Variants in PRR16 observed in about 807,000 individuals in gnomAD.
PRR16 encodes protein Largen.
In PRR16, 6 loss-of-function variants were observed where a neutral mutation model predicts 18.2. The observed-to-expected ratio is 0.33, with a 90% CI of 0.18 to 0.65. The LOEUF is 0.65. Among genes scored for constraint, PRR16 ranks in the 30% least tolerant of loss-of-function variants. PRR16 has a pLI of 0.74. For synonymous variants in PRR16, 151 were observed against 147.8 expected (o/e 1.02, Z -0.16); for missense variants, 412 against 376.6 (o/e 1.09, Z -0.78).
intron 1 of PRR16, among the ~76,000 whole-genome samples, chr5:120,643,004 A>C (rs1316691567): frequency 1.3e-5 from 2 of 152,128 alleles, no homozygotes; most frequent in Non-Finnish European, 2.9e-5. Flanking sequence ...TTGTGACATG[A>C]ATTAAATGGA....
chr5:120,633,336 AAACAGCATGATGAATAG>A (rs1446160850), intron 1 of PRR16, among the ~76,000 whole-genome samples: 10 of 152,308 alleles, frequency 6.6e-5, no homozygotes, highest in African/African-American at 1.9e-4. Context: ...TTCAGGAAAC[AAACAGCATGATGAATAG>A]AATAGTACCT....
In PRR16 at chr5:120,672,978, C is replaced by T. The variant is rs145876368; in HGVS notation, c.160-12976C>T. ...GTGATGAAGGATGTTTCCTTTGCCA[C>T]ACTTTACAGGAAGCCTCAGTAGAGG... On this transcript the variant is annotated intron_variant, in intron 1 of 1. Coordinates refer to ENST00000407149, the MANE Select transcript of PRR16 (RefSeq NM_001300783.2). Among the ~76,000 whole-genome samples the T allele has an allele frequency of 2.6e-5, 4 of 152,286 alleles. No homozygotes were observed. The East Asian group carries it at 5.8e-4, about 22-fold the overall frequency.
intron 1 of PRR16, among the ~76,000 whole-genome samples, chr5:120,602,233 T>C (rs2112791898): frequency 6.6e-6 from 1 of 152,202 alleles, no homozygotes; most frequent in South Asian, 2.1e-4. Context: ...TTATCTCTGA[T>C]TCTTTTACTA....
chr5:120,594,147 G>A (rs540429219), intron 1 of PRR16, among the ~76,000 whole-genome samples: 2 of 152,164 alleles, frequency 1.3e-5, no homozygotes, highest in African/African-American at 2.4e-5. Flanking sequence ...GGAAGTCCTG[G>A]CAAGAGCAAT....
At chr5:120,524,675 G>T (rs1751294505) in intron 1 of PRR16, among the ~76,000 whole-genome samples, 1 of 151,984 alleles carries the variant, frequency 6.6e-6, no homozygotes, top group African/African-American at 2.4e-5. Context: ...ATACCTAAAA[G>T]AGTATAATTG....
chr5:120,673,472 C>A (rs1030635955), intron 1 of PRR16, among the ~76,000 whole-genome samples: 2 of 152,188 alleles, frequency 1.3e-5, no homozygotes, highest in Non-Finnish European at 2.9e-5. Context: ...AAAATTTTTA[C>A]ATCATTTAGT....
the PRR16 span, among the ~76,000 whole-genome samples, chr5:120,738,872 A>T: frequency 1.3e-5 from 2 of 152,306 alleles, no homozygotes; most frequent in Admixed American, 6.5e-5. Flanking sequence ...ACAAACCAAG[A>T]TGAACTAAAA....
the PRR16 span, among the ~76,000 whole-genome samples, chr5:120,766,715 G>A: frequency 6.6e-6 from 1 of 151,942 alleles, no homozygotes; most frequent in African/African-American, 2.4e-5. Context: ...TAATTATAGA[G>A]TTGGGTATAC....
chr5:120,492,243 C>T (rs1479926521), intron 1 of PRR16, among the ~76,000 whole-genome samples: 5 of 134,538 alleles, frequency 3.7e-5, no homozygotes, highest in African/African-American at 5.5e-5. Context: ...CATCCCCATG[C>T]CCGCTAATTT....
chr5:120,720,965 T>C, the PRR16 span, among the ~76,000 whole-genome samples: 1 of 152,072 alleles, frequency 6.6e-6, no homozygotes, highest in South Asian at 2.1e-4. Flanking sequence ...TGGTAATTAA[T>C]GCATTATCTC....
intron 1 of PRR16, chr5:120,658,501 A>G (rs1445745183): frequency 1.3e-5 from 2 of 151,934 alleles, no homozygotes; most frequent in Non-Finnish European, 2.9e-5. Flanking sequence ...TGTTCCAAAT[A>G]ATATAATTAA....
chr5:120,754,392 T>TAA, the PRR16 span, among the ~76,000 whole-genome samples: 2 of 97,692 alleles, frequency 2.0e-5, no homozygotes, highest in Non-Finnish European at 3.7e-5. Context: ...ATATATTATA[T>TAA]GTTATATATT....
chr5:120,506,669 A>G (rs1477181690), intron 1 of PRR16, among the ~76,000 whole-genome samples: 2 of 152,122 alleles, frequency 1.3e-5, no homozygotes, highest in African/African-American at 2.4e-5. Context: ...AGGCCCAGGC[A>G]TCTTCTATCT....
chr5:120,535,697 G>A (rs556673701), intron 1 of PRR16, among the ~76,000 whole-genome samples: 5 of 152,274 alleles, frequency 3.3e-5, no homozygotes, highest in African/African-American at 1.2e-4. Flanking sequence ...CTATTTGGGA[G>A]GCTGAAGCAT....
At chr5:120,760,303 A>C in the PRR16 span, among the ~76,000 whole-genome samples, 1 of 152,136 alleles carries the variant, frequency 6.6e-6, no homozygotes, top group African/African-American at 2.4e-5. Flanking sequence ...AAATATGGTG[A>C]CATATAGAAA....
chr5:120,606,222 A>C (rs912786155), intron 1 of PRR16, among the ~76,000 whole-genome samples: 1 of 152,118 alleles, frequency 6.6e-6, no homozygotes, highest in South Asian at 2.1e-4. Context: ...TCCTTTCTAC[A>C]TATCTCCCAG....
the PRR16 span, among the ~76,000 whole-genome samples, chr5:120,755,248 T>C: frequency 2.0e-5 from 3 of 152,018 alleles, no homozygotes; most frequent in East Asian, 5.8e-4. Flanking sequence ...TCAACTTTTA[T>C]TTTAGATTCA....
chr5:120,712,865 C>G, the PRR16 span, among the ~76,000 whole-genome samples: 7 of 152,008 alleles, frequency 4.6e-5, no homozygotes, highest in African/African-American at 1.7e-4. Flanking sequence ...CCTTTGCACA[C>G]TGTTGATAGG....
At chr5:120,765,168 A>G in the PRR16 span, among the ~76,000 whole-genome samples, 1 of 152,108 alleles carries the variant, frequency 6.6e-6, no homozygotes, top group Non-Finnish European at 1.5e-5. Flanking sequence ...GGTCTTTAAA[A>G]TATAAATAAT....
Sources: allele counts gnomAD v4.1 joint callset (sites outside exome capture counted in the v4.1 genomes callset), GRCh38; gene constraint gnomAD v4.1.1; transcripts MANE v1.5; gene names NCBI Gene and HGNC (gene_info 2026-07-23, HGNC 2026-07-21).